PPM1K: variants seen among roughly 807,000 people sequenced by gnomAD.
PPM1K encodes protein phosphatase Mn(2+)-dependent 1K.
Under a neutral mutation model 32.6 loss-of-function variants are expected in PPM1K, and 19 were observed. The ratio of observed to expected loss-of-function variants is 0.58; its 90% CI spans 0.41 to 0.86. The LOEUF (loss-of-function observed/expected upper bound fraction) is 0.86. Among genes scored for constraint, PPM1K ranks in the 40% least tolerant of loss-of-function variants. The pLI is 0.00. For missense variants in PPM1K, 362 were observed against 461.2 expected (o/e 0.78, Z 1.97); for synonymous variants, 159 against 165.3 (o/e 0.96, Z 0.29).
chr4:88,263,192 G>A (rs961646992), intron 6 of PPM1K, among the ~76,000 whole-genome samples: 1 of 152,064 alleles, frequency 6.6e-6, no homozygotes, highest in Non-Finnish European at 1.5e-5. Flanking sequence ...AGCCATAATC[G>A]TAAGAGAAAT....
In PPM1K at chr4:88,259,771, CAG is replaced by C. The variant is rs1247898982; in HGVS notation, c.*2822_*2823del. 6.6e-6 allele frequency: 1 copy of C among 152,142 alleles called. No homozygotes were observed. Among genetic ancestry groups the C allele is most frequent in the Non-Finnish European group, 1.5e-5 (1 of 68,026 alleles). 9.4% of individuals were successfully genotyped at this position (152,142 alleles called of 1,614,324 possible). ...GTTTTAAAAGCTTTCCCGGATAAAG[CAG>C]AGTCAAGTCTACCCTATATCCCCAT... On this transcript the variant is annotated 3_prime_UTR_variant, in exon 7 of 7. Coordinates refer to ENST00000608933, the MANE Select transcript of PPM1K (RefSeq NM_152542.5).
chr4:88,268,068 A>G (rs1259807384), intron 5 of PPM1K, 122 bp downstream of exon 5: 3 of 1,071,656 alleles, frequency 2.8e-6, no homozygotes, highest in African/African-American at 1.6e-5. Context: ...TTATCCTTCC[A>G]TAAATTACTC....
At chr4:88,265,373 A>G (rs1377089486) in intron 5 of PPM1K, among the ~76,000 whole-genome samples, 3 of 152,138 alleles carry the variant, frequency 2.0e-5, no homozygotes, top group Non-Finnish European at 4.4e-5. Flanking sequence ...GGTCTTTCCC[A>G]TGCCGTTTTC....
rs1234093865 is a variant in PPM1K at position 88,284,517 on chromosome 4, A to G, written c.-171T>C. On this transcript the variant is annotated 5_prime_UTR_variant, in exon 1 of 7. Coordinates refer to ENST00000608933, the MANE Select transcript of PPM1K (RefSeq NM_152542.5). ...CTTCTCCGTCGTCTCGGATCTCCGA[A>G]GCAAGCAGTCAAAGCGGCCACTGCC... 1.3e-5 allele frequency: 2 copies of G among 152,274 alleles called. No individual in the cohort carries two copies. The highest frequency in any genetic ancestry group is 2.9e-5 in the Non-Finnish European group (2 of 68,056). The allele number at this position is 152,274 out of a possible 1,614,324, so 9.4% of individuals were successfully genotyped here.
chr4:88,263,841 T>A (rs913796100), intron 6 of PPM1K, among the ~76,000 whole-genome samples: 2 of 152,112 alleles, frequency 1.3e-5, no homozygotes, highest in Non-Finnish European at 2.9e-5. Context: ...TGGATACTAT[T>A]CCTAAGAATG....
intron 3 of PPM1K, among the ~76,000 whole-genome samples, chr4:88,272,294 C>T (rs1370313521): frequency 6.6e-6 from 1 of 152,062 alleles, no homozygotes; most frequent in Non-Finnish European, 1.5e-5. Context: ...GCTGTGTTTA[C>T]AGCCCTGGTT....
At chr4:88,281,649 A>AAAC in intron 1 of PPM1K, among the ~76,000 whole-genome samples, 1 of 151,878 alleles carries the variant, frequency 6.6e-6, no homozygotes, top group Non-Finnish European at 1.5e-5. Context: ...TATAAAAAAC[A>AAAC]AACAAACAGG....
At chr4:88,281,046 T>C (rs749559348) in intron 1 of PPM1K, among the ~76,000 whole-genome samples, 1 of 151,922 alleles carries the variant, frequency 6.6e-6, no homozygotes. Flanking sequence ...CAAACTACAA[T>C]ACAATCTACC....
chr4:88,274,008 A>C (rs890494689), intron 3 of PPM1K, among the ~76,000 whole-genome samples: 31 of 152,320 alleles, frequency 2.0e-4, no homozygotes, highest in African/African-American at 7.5e-4. Context: ...TGGACTAGAA[A>C]GCTGTTTGGG....
rs542945967 is a variant in PPM1K at position 88,278,190 on chromosome 4, G to A, written c.394C>T (p.Pro132Ser). The A allele has an allele frequency of 1.2e-6, 2 of 1,614,102 alleles. No homozygotes were observed. The highest frequency in any genetic ancestry group is 1.7e-5 in the Admixed American group (1 of 60,030). ...GTATGACAGAAATCAGCTGCTGCAG[G>A]TCCACCGTGTCCATCATACACTGCA... ...YFAVYDGHGG[P>S]AAADFCHTHM... The change falls in exon 2 of 7, where the codon CCT (proline) becomes TCT (serine). Residue 132 changes from proline (P) to serine (S), a missense_variant. By Grantham distance (74) the Pro-to-Ser change is moderately conservative. Coordinates refer to ENST00000608933, the MANE Select transcript of PPM1K (RefSeq NM_152542.5). The surrounding 1 kb of genome is among the most constrained non-coding windows in gnomAD (Gnocchi z 4.2).
At chr4:88,276,021 T>C (rs537658237) in intron 3 of PPM1K, 2 of 985,338 alleles carry the variant, frequency 2.0e-6, no homozygotes, top group African/African-American at 3.5e-5. Context: ...AGGAGTGTGA[T>C]AGTAAGGTTC....
chr4:88,273,429 C>G (rs928973900), intron 3 of PPM1K, among the ~76,000 whole-genome samples: 1 of 152,184 alleles, frequency 6.6e-6, no homozygotes, highest in Admixed American at 6.5e-5. Context: ...GCCTGTAATC[C>G]CAGCACTTTG....
chr4:88,274,992 T>G (rs1366408794), intron 3 of PPM1K: 4 of 575,976 alleles, frequency 6.9e-6, no homozygotes, highest in Non-Finnish European at 8.8e-6. Flanking sequence ...AATAACAATA[T>G]TATAATAGAC....
In PPM1K at chr4:88,278,082, G is replaced by C; in HGVS notation, c.440+62C>G. 1 of 1,421,906 alleles carries C rather than the reference G, an allele frequency of 7.0e-7. No homozygotes were observed. The highest frequency in any genetic ancestry group is 9.7e-7 in the Non-Finnish European group (1 of 1,032,008). The allele number at this position is 1,421,906 out of a possible 1,614,324, so 88.1% of individuals were successfully genotyped here. On this transcript the variant is annotated intron_variant, in intron 2 of 6. Coordinates refer to ENST00000608933, the MANE Select transcript of PPM1K (RefSeq NM_152542.5). This position sits in a 1 kb window ranked among gnomAD's most constrained non-coding sequence, Gnocchi z 4.2. Reference sequence around the variant, plus strand: ...TTACGCTGGAAGCCTCAGCCAAAGGGTGAAAGTTTAAGTAGGAAGTATAGG... The same window carrying C: ...TTACGCTGGAAGCCTCAGCCAAAGGCTGAAAGTTTAAGTAGGAAGTATAGG...
At chr4:88,277,718 AT>A in intron 2 of PPM1K, 1 of 202,234 alleles carries the variant, frequency 4.9e-6, no homozygotes, top group Non-Finnish European at 1.0e-5. Flanking sequence ...CATTAAATGC[AT>A]TTTTCCACAC....
intron 1 of PPM1K, among the ~76,000 whole-genome samples, chr4:88,280,263 A>G (rs1042212977): frequency 3.9e-5 from 6 of 152,236 alleles, no homozygotes; most frequent in African/African-American, 1.4e-4. Flanking sequence ...TATTTAAGCA[A>G]TTAAAAAAAA....
At chr4:88,264,849 A>T in intron 6 of PPM1K, 152 bp downstream of exon 6, 1 of 810,996 alleles carries the variant, frequency 1.2e-6, no homozygotes, top group Non-Finnish European at 1.9e-6. Context: ...GCATATTAAA[A>T]TTTTAACTTG....
chr4:88,268,255 T>A lies in PPM1K; in HGVS notation c.787A>T (p.Ser263Cys). ...GTCTTAAGGTCCAAATCTCCAATAC[T>A]TCTTGTCATTGCAAGCCTGCCATTT... Reference protein sequence around the residue: ...HVNGRLAMTRSIGDLDLKTSG... With the variant: ...HVNGRLAMTRCIGDLDLKTSG... Residue 263 changes from serine to cysteine, a missense_variant, in exon 5 of 7, where the codon AGT (serine) becomes TGT (cysteine). Transcript: ENST00000608933. 1 of 1,614,150 alleles carries A rather than the reference T, an allele frequency of 6.2e-7. No homozygotes were observed. The highest frequency in any genetic ancestry group is 8.5e-7 in the Non-Finnish European group (1 of 1,180,006).
intron 3 of PPM1K, chr4:88,271,014 T>G (rs776964105): frequency 2.0e-6 from 1 of 504,694 alleles, no homozygotes; most frequent in Non-Finnish European, 3.9e-6. Context: ...CAATTTCTAC[T>G]GCAAGTCATC....
Sources: gnomAD v4.1 joint callset for allele counts (sites outside exome capture counted in the v4.1 genomes callset) on GRCh38, gnomAD v4.1.1 for gene constraint, Gnocchi (gnomAD v3.1) non-coding constraint, MANE v1.5 for transcripts, NCBI Gene and HGNC (gene_info 2026-07-23, HGNC 2026-07-21) for gene names.